Variants in CACNA1E observed in about 807,000 individuals in gnomAD.
CACNA1E encodes calcium voltage-gated channel subunit alpha1 E, also known as voltage-dependent R-type calcium channel subunit alpha-1E.
A neutral mutation model predicts 259.2 loss-of-function variants in CACNA1E; 40 were observed. That is an observed-to-expected ratio of 0.15 (90% confidence interval 0.12 to 0.20). CACNA1E has a LOEUF of 0.20. CACNA1E is among the 10% of genes least tolerant of loss of function. The pLI is 1.00. For missense variants in CACNA1E, 1,874 were observed against 3,040.1 expected (o/e 0.62, Z 9.02); for synonymous variants, 1,104 against 1,138.5 (o/e 0.97, Z 0.61).
chr1:181,791,371 G>A (rs1464430804), intron 44 of CACNA1E, among the ~76,000 whole-genome samples: 1 of 152,200 alleles, frequency 6.6e-6, no homozygotes, highest in Non-Finnish European at 1.5e-5. Flanking sequence ...TACTCAGGAG[G>A]CTGAGGCAGG....
At chr1:181,652,170 G>A (rs1658816499) in intron 7 of CACNA1E, 1 of 152,190 alleles carries the variant, frequency 6.6e-6, no homozygotes, top group South Asian at 2.1e-4. Flanking sequence ...ATTTCAGGAA[G>A]GGGAACATCA....
At position 181,793,762 on chromosome 1, in the gene CACNA1E, C is replaced by T. The variant is rs750029694; in HGVS notation, c.5996C>T (p.Ser1999Phe). 1.2e-6 allele frequency: 2 copies of T among 1,611,858 alleles called. No individual in the cohort carries two copies. Among genetic ancestry groups the T allele is most frequent in the Non-Finnish European group, 1.7e-6 (2 of 1,179,452 alleles). The change falls in exon 45 of 48, where the codon TCT becomes TTT. Residue 1999 changes from serine to phenylalanine, a missense_variant. This residue lies in a region of CACNA1E where 542 missense variants were observed against 587.2 expected (regional missense o/e 0.92). Transcript: ENST00000367573. Reference sequence around the variant, plus strand: ...GAGCATGCGGGATCTGGGAGGGCATCTTCTATGCCACGTCTGACTGTGGAT... The same window carrying T: ...GAGCATGCGGGATCTGGGAGGGCATTTTCTATGCCACGTCTGACTGTGGAT... ...TQEHAGSGRA[S>F]SMPRLTVDPQ...
chr1:181,679,252 G>A (rs1649683875), intron 7 of CACNA1E, among the ~76,000 whole-genome samples: 1 of 152,214 alleles, frequency 6.6e-6, no homozygotes, highest in African/African-American at 2.4e-5. Flanking sequence ...CAACAATTCA[G>A]TATGACAGGC....
intron 3 of CACNA1E, among the ~76,000 whole-genome samples, chr1:181,577,364 A>G (rs1478980381): frequency 6.6e-6 from 1 of 152,180 alleles, no homozygotes; most frequent in Non-Finnish European, 1.5e-5. Flanking sequence ...CCTGAAGGAG[A>G]TAGACAGGGG....
intron 6 of CACNA1E, among the ~76,000 whole-genome samples, chr1:181,630,193 A>T (rs1394562118): frequency 6.6e-6 from 1 of 152,130 alleles, no homozygotes; most frequent in African/African-American, 2.4e-5. Flanking sequence ...TGCCTTTGTA[A>T]TTTAATGTAC....
intron 1 of CACNA1E, among the ~76,000 whole-genome samples, chr1:181,404,259 T>G (rs1005921738): frequency 2.0e-5 from 3 of 152,188 alleles, no homozygotes; most frequent in Admixed American, 2.0e-4. Flanking sequence ...TTTAGATCAT[T>G]GGAGAGATGT....
At chr1:181,481,959 T>C (rs1663289190), upstream of CACNA1E, among the ~76,000 whole-genome samples, 1 of 152,210 alleles carries the variant, frequency 6.6e-6, no homozygotes, top group South Asian at 2.1e-4. Flanking sequence ...TTTTAGCCCA[T>C]AACTCACCAT....
intron 25 of CACNA1E, chr1:181,745,495 C>A: frequency 3.0e-6 from 1 of 335,184 alleles, no homozygotes; most frequent in Non-Finnish European, 5.8e-6. Flanking sequence ...ATAAAATGCA[C>A]CCTGTGAGCC....
At chr1:181,531,913 C>T (rs774681060) in intron 3 of CACNA1E, among the ~76,000 whole-genome samples, 16 of 152,190 alleles carry the variant, frequency 1.1e-4, no homozygotes, top group East Asian at 3.9e-4. Flanking sequence ...AAAATTACCC[C>T]GGTGTGATGG....
At position 181,717,298 on chromosome 1, in the gene CACNA1E, C is replaced by G. The variant is rs575949215; in HGVS notation, c.1521C>G (p.Leu507=). The G allele has an allele frequency of 6.2e-7, 1 of 1,612,758 alleles. No homozygotes were observed. Among genetic ancestry groups the G allele is most frequent in the African/African-American group, 1.3e-5 (1 of 75,010 alleles). Residue 507 remains leucine, a synonymous_variant, in exon 11 of 48, where the codon CTC becomes CTG. Transcript: ENST00000367573. The part of the protein sequence containing the change: ...HHNQPQWLTH[L]LYYAEFLFLG... ...ACCAGCCCCAGTGGCTCACCCACCT[C>G]CTCTGTAAGTAAAGCCTCTCTCTAA...
chr1:181,606,738 T>C (rs907687136), intron 6 of CACNA1E, among the ~76,000 whole-genome samples: 5 of 152,242 alleles, frequency 3.3e-5, no homozygotes, highest in African/African-American at 1.2e-4. Context: ...GCCCTTGTTT[T>C]ACCCATGCTG....
chr1:181,528,627 G>T (rs1156414650), intron 3 of CACNA1E, among the ~76,000 whole-genome samples: 1 of 152,218 alleles, frequency 6.6e-6, no homozygotes, highest in Non-Finnish European at 1.5e-5. Flanking sequence ...ATAAGGTCCA[G>T]GCTGTGGTTG....
intron 1 of CACNA1E, among the ~76,000 whole-genome samples, chr1:181,352,503 C>T (rs1270165788): frequency 1.3e-5 from 2 of 152,194 alleles, no homozygotes; most frequent in Non-Finnish European, 2.9e-5. Context: ...GCCATAAGGT[C>T]TCCTACCTAG....
chr1:181,758,213 C>A lies in CACNA1E; in HGVS notation c.4494+102C>A. ...ACATCCCAGCCCATCACTGCTTTAC[C>A]TACTTTTCCATCATTGAATCCTTTT... is the stretch of plus-strand genomic sequence containing the variant. On this transcript the variant is annotated intron_variant, in intron 31 of 47. Transcript: ENST00000367573. The surrounding 1 kb of genome is among the most constrained non-coding windows in gnomAD (Gnocchi z 4.2). 1.9e-6 allele frequency: 2 copies of A among 1,043,382 alleles called. No homozygotes were observed. The highest frequency in any genetic ancestry group is 1.5e-5 in the South Asian group (1 of 65,528). 64.6% of individuals were successfully genotyped at this position (1,043,382 alleles called of 1,614,324 possible). A position where few individuals can be genotyped will look rare whatever the true frequency, so the allele number is the denominator to read the frequency against.
intron 6 of CACNA1E, among the ~76,000 whole-genome samples, chr1:181,624,994 G>A (rs559082508): frequency 4.9e-4 from 74 of 150,734 alleles, no homozygotes; most frequent in African/African-American, 1.7e-3. Context: ...CCTTGTGCAT[G>A]TTCATGAGAG....
chr1:181,772,706 G>A (rs558778588), intron 37 of CACNA1E, among the ~76,000 whole-genome samples: 1 of 152,174 alleles, frequency 6.6e-6, no homozygotes, highest in Non-Finnish European at 1.5e-5. Flanking sequence ...GCATTGATAA[G>A]AGTAGAATGA....
exon 2 of CACNA1E, chr1:181,413,224 T>A (rs1657998349): frequency 6.5e-6 from 1 of 152,892 alleles, no homozygotes; most frequent in Admixed American, 6.5e-5. Flanking sequence ...CGGGGAGCCC[T>A]GAGCCCAGGT....
At chr1:181,379,884 C>T (rs1655344345) in intron 1 of CACNA1E, among the ~76,000 whole-genome samples, 1 of 151,468 alleles carries the variant, frequency 6.6e-6, no homozygotes, top group Admixed American at 6.6e-5. Context: ...GTAAGGATGA[C>T]AGCAGATTTC....
intron 7 of CACNA1E, among the ~76,000 whole-genome samples, chr1:181,694,703 C>G (rs1310734983): frequency 6.6e-6 from 1 of 152,154 alleles, no homozygotes; most frequent in African/African-American, 2.4e-5. Flanking sequence ...TACCCAGTCT[C>G]AAGTATTCTG....
Sources: gnomAD v4.1 joint callset for allele counts (sites outside exome capture counted in the v4.1 genomes callset) on GRCh38, gnomAD v4.1.1 for gene constraint, gnomAD v4.1.1 regional missense constraint, Gnocchi (gnomAD v3.1) non-coding constraint, MANE v1.5 for transcripts, NCBI Gene and HGNC (gene_info 2026-07-23, HGNC 2026-07-21) for gene names.